KCNIP1: variants seen among roughly 807,000 people sequenced by gnomAD.
KCNIP1 encodes the protein potassium voltage-gated channel interacting protein 1.
KCNIP1 carries 18 observed loss-of-function variants against 33.0 expected under a neutral mutation model. The observed-to-expected ratio is 0.55, with a 90% confidence interval of 0.38 to 0.81. The LOEUF (loss-of-function observed/expected upper bound fraction) is 0.81, where lower values mean the gene tolerates loss of function less well. Ranked by LOEUF, KCNIP1 falls within the 30% of genes least tolerant of loss-of-function variation. The pLI, the probability that KCNIP1 is intolerant of heterozygous loss-of-function variation, is 0.00. For missense variants in KCNIP1, 238 were observed against 271.6 expected (o/e 0.88, Z 0.87); for synonymous variants, 93 against 98.3 (o/e 0.95, Z 0.32).
chr5:170,486,487 G>A (rs1011924731), intron 1 of KCNIP1: 26 of 152,260 alleles, frequency 1.7e-4, no homozygotes, highest in African/African-American at 5.8e-4. Flanking sequence ...TCTTTCCTGA[G>A]ATCCTGCATT....
At position 170,633,394 on chromosome 5, in the gene KCNIP1, C is replaced by A. The variant is rs531403091; in HGVS notation, c.62-85364C>A. Reference sequence around the variant, plus strand: ...TAAGTGACTGAGGTAGTCAGGGGGCCTCACTGAGAAGTGGCTTGGAGTAAG... The same window carrying A: ...TAAGTGACTGAGGTAGTCAGGGGGCATCACTGAGAAGTGGCTTGGAGTAAG... On this transcript the variant is annotated intron_variant, in intron 1 of 7. Transcript: ENST00000328939. Among the ~76,000 whole-genome samples, 4 of 151,648 alleles carry A rather than the reference C, an allele frequency of 2.6e-5. No homozygotes were observed. The East Asian group carries it at 7.9e-4, about 30-fold the overall frequency.
chr5:170,561,564 GC>G (rs1276863864), intron 1 of KCNIP1, among the ~76,000 whole-genome samples: 2 of 152,184 alleles, frequency 1.3e-5, no homozygotes, highest in Non-Finnish European at 2.9e-5. Context: ...AGAATCTAGA[GC>G]TTGTTTGTGC....
chr5:170,618,761 T>C lies in KCNIP1; in HGVS notation c.62-99997T>C, dbSNP rs76506099. Among the ~76,000 whole-genome samples, 1,062 of 152,286 alleles carry C rather than the reference T, an allele frequency of 7.0e-3. 10 individuals are homozygous for C. Among genetic ancestry groups the C allele is most frequent in the African/African-American group, 0.024 (1,008 of 41,550 alleles). On this transcript the variant is annotated intron_variant, in intron 1 of 7. Transcript: ENST00000328939. ...ATGGGAATGATGATTTGACATCTGGTGTGTCTCTCACTACTGTTGAGACAT... is the reference window on the plus strand; with the variant it reads ...ATGGGAATGATGATTTGACATCTGGCGTGTCTCTCACTACTGTTGAGACAT...
At chr5:170,383,683 T>A in intron 1 of KCNIP1, 1 of 1,614,146 alleles carries the variant, frequency 6.2e-7, no homozygotes, top group Non-Finnish European at 8.5e-7. Flanking sequence ...CAGTACCTGC[T>A]GGTTCTGGTC....
intron 1 of KCNIP1, among the ~76,000 whole-genome samples, chr5:170,683,070 T>C (rs1475601618): frequency 1.3e-5 from 2 of 152,192 alleles, no homozygotes; most frequent in Non-Finnish European, 2.9e-5. Flanking sequence ...ATAAAGGATA[T>C]CAATCATTCA....
Position 170,628,993 on chromosome 5 carries a change from T to C in KCNIP1, c.62-89765T>C, listed in dbSNP as rs897739830. Among the ~76,000 whole-genome samples the C allele has an allele frequency of 3.3e-5, 5 of 152,226 alleles. No homozygotes were observed. The South Asian group carries it at 8.3e-4, about 25-fold the overall frequency. ...CCACCCTGTGCCTCGTCAGCCCCACTGAGCCTCTCCATCTATCATGCCACA... is the reference window on the plus strand; with the variant it reads ...CCACCCTGTGCCTCGTCAGCCCCACCGAGCCTCTCCATCTATCATGCCACA... On this transcript the variant is annotated intron_variant, in intron 1 of 7. Coordinates refer to ENST00000328939, the MANE Select transcript of KCNIP1 (RefSeq NM_014592.4).
chr5:170,527,867 A>G (rs1279195832), intron 1 of KCNIP1, among the ~76,000 whole-genome samples: 2 of 151,816 alleles, frequency 1.3e-5, no homozygotes, highest in African/African-American at 4.8e-5. Flanking sequence ...ATACAATCTC[A>G]TATCAAGTAA....
intron 1 of KCNIP1, among the ~76,000 whole-genome samples, chr5:170,624,741 A>AGGGGGGGG (rs1759755892): frequency 1.3e-4 from 1 of 7,768 alleles, no homozygotes; most frequent in African/African-American, 5.5e-4. Context: ...GTGGGGGGGG[A>AGGGGGGGG]GAGGGGAGGG....
At chr5:170,660,373 A>T (rs374173341) in intron 1 of KCNIP1, among the ~76,000 whole-genome samples, 3 of 82,960 alleles carry the variant, frequency 3.6e-5, no homozygotes, top group African/African-American at 2.0e-4. Context: ...GATTTTTATA[A>T]AAAAAAAAAA....
At chr5:170,602,223 G>A (rs549499322) in intron 1 of KCNIP1, among the ~76,000 whole-genome samples, 4 of 152,292 alleles carry the variant, frequency 2.6e-5, no homozygotes, top group East Asian at 1.9e-4. Context: ...GTCCTGGGCC[G>A]TGGCACTGAT....
At chr5:170,585,631 G>T (rs1024499702) in intron 1 of KCNIP1, among the ~76,000 whole-genome samples, 1 of 152,094 alleles carries the variant, frequency 6.6e-6, no homozygotes, top group Admixed American at 6.6e-5. Flanking sequence ...AAATGGTTCT[G>T]TTGTTACCGG....
rs1756735715 is a variant in KCNIP1, at chr5:170,471,883, C to T, written c.88+117919C>T. ...TAATAAAACTTAATTATTAAGACAGCCTCACAAGTCATGATACATTTACTG... is the reference window on the plus strand; with the variant it reads ...TAATAAAACTTAATTATTAAGACAGTCTCACAAGTCATGATACATTTACTG... On this transcript the variant is annotated intron_variant, in intron 1 of 7. Coordinates refer to the KCNIP1 transcript ENST00000377360. Among the ~76,000 whole-genome samples, 3 of 152,330 alleles carry T rather than the reference C, an allele frequency of 2.0e-5. No individual in the cohort carries two copies. The South Asian group carries it at 6.2e-4, about 32-fold the overall frequency.
chr5:170,534,402 C>A (rs1755891679), intron 1 of KCNIP1, among the ~76,000 whole-genome samples: 1 of 151,790 alleles, frequency 6.6e-6, no homozygotes, highest in Admixed American at 6.6e-5. Flanking sequence ...GCAGTGATTG[C>A]ACCACTGTAC....
intron 1 of KCNIP1, among the ~76,000 whole-genome samples, chr5:170,513,689 G>C (rs149591674): frequency 6.6e-6 from 1 of 152,190 alleles, no homozygotes; most frequent in African/African-American, 2.4e-5. Flanking sequence ...CTAGAGACTT[G>C]CCTGCATAAT....
intron 1 of KCNIP1, among the ~76,000 whole-genome samples, chr5:170,562,002 G>A (rs1757049685): frequency 6.6e-6 from 1 of 152,168 alleles, no homozygotes; most frequent in Admixed American, 6.5e-5. Flanking sequence ...CATACAATGA[G>A]GTTATGTCTC....
intron 1 of KCNIP1, among the ~76,000 whole-genome samples, chr5:170,471,052 TG>T (rs775366010): frequency 1.7e-4 from 26 of 152,230 alleles, no homozygotes; most frequent in Non-Finnish European, 3.2e-4. Context: ...CCTTGGCTAT[TG>T]TCTTAAGCTA....
At chr5:170,517,561 G>A (rs987639634) in intron 1 of KCNIP1, among the ~76,000 whole-genome samples, 25 of 151,626 alleles carry the variant, frequency 1.6e-4, no homozygotes, top group African/African-American at 6.1e-4. Flanking sequence ...TTGATTATAA[G>A]GGTGGTGGTG....
intron 1 of KCNIP1, among the ~76,000 whole-genome samples, chr5:170,423,358 A>G (rs1046509810): frequency 2.0e-5 from 3 of 151,890 alleles, no homozygotes; most frequent in African/African-American, 7.3e-5. Flanking sequence ...AATACAAGAT[A>G]TCCATGCACC....
At chr5:170,446,627 T>C (rs752619829) in intron 1 of KCNIP1, among the ~76,000 whole-genome samples, 4 of 152,068 alleles carry the variant, frequency 2.6e-5, no homozygotes, top group Non-Finnish European at 4.4e-5. Context: ...GCCCAGCTAT[T>C]TTTATTTATT....
Sources: gnomAD v4.1 joint callset for allele counts (sites outside exome capture counted in the v4.1 genomes callset) on GRCh38, gnomAD v4.1.1 for gene constraint, MANE v1.5 for transcripts, NCBI Gene and HGNC (gene_info 2026-07-23, HGNC 2026-07-21) for gene names.